ZNF438: variants seen among roughly 807,000 people sequenced by gnomAD.
ZNF438 encodes the protein zinc finger protein 438.
In ZNF438, 25 loss-of-function variants were observed where a neutral mutation model predicts 38.0. The ratio of observed to expected loss-of-function variants is 0.66; its 90% CI spans 0.48 to 0.92. The LOEUF (loss-of-function observed/expected upper bound fraction) is 0.92, where lower values mean the gene tolerates loss of function less well. Ranked by LOEUF, ZNF438 falls within the 40% of genes least tolerant of loss-of-function variation. The probability of loss-of-function intolerance (pLI) is 0.00; values close to 1 mark genes in which losing one functional copy is unlikely to be tolerated. For missense variants in ZNF438, 1,007 were observed against 999.6 expected, an observed-to-expected ratio of 1.01 and a Z score of -0.10; for synonymous variants, 372 against 364.1, an observed-to-expected ratio of 1.02 and a Z score of -0.25.
At chr10:30,986,857 A>G (rs986030276) in intron 1 of ZNF438, among the ~76,000 whole-genome samples, 1 of 152,206 alleles carries the variant, frequency 6.6e-6, no homozygotes, top group African/African-American at 2.4e-5. Context: ...CGAATTCATG[A>G]AAACAAAATC....
At chr10:30,966,397 G>A (rs1387175063) in intron 1 of ZNF438, among the ~76,000 whole-genome samples, 2 of 152,004 alleles carry the variant, frequency 1.3e-5, no homozygotes, top group Non-Finnish European at 2.9e-5. Flanking sequence ...GGGGCCGGGC[G>A]TGGTGGCTCA....
At chr10:30,875,231 C>T (rs965503306) in intron 4 of ZNF438, 1 of 984,502 alleles carries the variant, frequency 1.0e-6, no homozygotes, top group Admixed American at 6.1e-5. Flanking sequence ...ACAAAACAAA[C>T]TGTGATGAGA....
At chr10:30,992,767 T>C (rs1008084257) in intron 1 of ZNF438, among the ~76,000 whole-genome samples, 2 of 152,262 alleles carry the variant, frequency 1.3e-5, no homozygotes, top group East Asian at 3.9e-4. Context: ...GATAGAAATA[T>C]GTAAAGGTCA....
Position 31,000,619 on chromosome 10 carries a change from G to A in ZNF438, c.-192+31214C>T, listed in dbSNP as rs1057215971. On this transcript the variant is annotated intron_variant, in intron 1 of 5. Transcript: ENST00000413025. ...GCTGACCTCATTCCTGTAGCCCACT[G>A]TTCACCCAGACTTTTAGAAGGGACA... 2.0e-5 allele frequency among the ~76,000 whole-genome samples: 3 copies of A among 152,126 alleles called. No individual in the cohort carries two copies. In the South Asian group the frequency reaches 6.2e-4, roughly 31 times the overall value.
At chr10:30,855,189 T>G (rs996026511) in intron 4 of ZNF438, among the ~76,000 whole-genome samples, 1 of 152,200 alleles carries the variant, frequency 6.6e-6, no homozygotes, top group East Asian at 1.9e-4. Flanking sequence ...GAGGCCACTG[T>G]GGCCTGGGAA....
intron 1 of ZNF438, among the ~76,000 whole-genome samples, chr10:30,976,216 A>G (rs999831468): frequency 7.2e-5 from 11 of 152,246 alleles, no homozygotes; most frequent in Non-Finnish European, 1.5e-4. Context: ...GAAAAGATCA[A>G]TAAAACCAAT....
At chr10:30,983,043 C>T (rs1394846254) in intron 1 of ZNF438, among the ~76,000 whole-genome samples, 1 of 152,094 alleles carries the variant, frequency 6.6e-6, no homozygotes, top group African/African-American at 2.4e-5. Flanking sequence ...CACTGAGTCA[C>T]ATTATTGGAC....
intron 3 of ZNF438, among the ~76,000 whole-genome samples, chr10:30,905,115 C>CATA (rs1483112154): frequency 6.6e-6 from 1 of 152,126 alleles, no homozygotes; most frequent in Non-Finnish European, 1.5e-5. Flanking sequence ...CAGTGTTACA[C>CATA]ATAGGAAGGG....
At chr10:30,987,524 C>G (rs56047504) in intron 1 of ZNF438, among the ~76,000 whole-genome samples, 6 of 152,012 alleles carry the variant, frequency 3.9e-5, no homozygotes, top group African/African-American at 1.4e-4. Context: ...ATGGACTAAA[C>G]GTTTGTGTCA....
chr10:30,845,118 T>C lies in ZNF438; in HGVS notation c.2330A>G (p.Asn777Ser), dbSNP rs149585264. Residue 777 changes from asparagine to serine, a missense_variant, in exon 6 of 6, where the codon AAC becomes AGC. Asn to Ser is a conservative substitution (Grantham distance 46). Transcript: ENST00000413025. Reference sequence around the variant, plus strand: ...CAGCATCTCTGCACAAAGCAGGCAGTTAAAGCCTGAATGGGACCACAAGAG... The same window carrying C: ...CAGCATCTCTGCACAAAGCAGGCAGCTAAAGCCTGAATGGGACCACAAGAG... The C allele has an allele frequency of 2.4e-4, 385 of 1,614,200 alleles. 1 individual carries two copies. The African/African-American group carries it at 4.7e-3, about 20-fold the overall frequency.
chr10:30,958,091 T>C (rs1589424581), intron 1 of ZNF438, among the ~76,000 whole-genome samples: 1 of 146,820 alleles, frequency 6.8e-6, no homozygotes, highest in Admixed American at 6.9e-5. Flanking sequence ...GTAGTTCCAT[T>C]TTTGGGACTG....
At chr10:31,010,430 C>A (rs1404595285) in intron 1 of ZNF438, among the ~76,000 whole-genome samples, 1 of 152,160 alleles carries the variant, frequency 6.6e-6, no homozygotes, top group Admixed American at 6.5e-5. Context: ...ACCAAATAAT[C>A]CTGGGAAGAC....
At chr10:30,907,310 T>C (rs1429158904) in intron 3 of ZNF438, among the ~76,000 whole-genome samples, 1 of 152,184 alleles carries the variant, frequency 6.6e-6, no homozygotes, top group Non-Finnish European at 1.5e-5. Context: ...CCAAAGATAC[T>C]GGTCTATAGT....
chr10:30,902,301 GAC>G (rs1564609935), intron 3 of ZNF438, among the ~76,000 whole-genome samples: 2 of 152,126 alleles, frequency 1.3e-5, no homozygotes, highest in Non-Finnish European at 1.5e-5. Context: ...CCCTGAGCTA[GAC>G]ACAAAAATTC....
intron 4 of ZNF438, among the ~76,000 whole-genome samples, chr10:30,868,812 ATG>A (rs1203578749): frequency 6.6e-6 from 1 of 152,250 alleles, no homozygotes; most frequent in African/African-American, 2.4e-5. Context: ...ATTTGAACAG[ATG>A]TACACAATCT....
At chr10:31,013,069 C>T (rs1320547829) in intron 1 of ZNF438, among the ~76,000 whole-genome samples, 1 of 152,186 alleles carries the variant, frequency 6.6e-6, no homozygotes, top group Admixed American at 6.5e-5. Flanking sequence ...CCTGTAATCC[C>T]AGCACTTTGG....
intron 4 of ZNF438, among the ~76,000 whole-genome samples, chr10:30,862,145 C>T (rs2035686771): frequency 6.6e-6 from 1 of 152,190 alleles, no homozygotes; most frequent in Non-Finnish European, 1.5e-5. Flanking sequence ...CCTGTGCACG[C>T]TGTCCTTCCA....
At chr10:31,021,889 T>C (rs1460292439) in intron 1 of ZNF438, among the ~76,000 whole-genome samples, 4 of 152,156 alleles carry the variant, frequency 2.6e-5, no homozygotes, top group Middle Eastern at 3.4e-3. Context: ...ATCATTGAAG[T>C]TGATCGTCTT....
At chr10:30,915,681 A>G (rs377454614) in intron 2 of ZNF438, among the ~76,000 whole-genome samples, 3 of 152,214 alleles carry the variant, frequency 2.0e-5, no homozygotes, top group East Asian at 1.9e-4. Flanking sequence ...AGGATTCAAC[A>G]TAACATTAAG....
Sources: gnomAD v4.1 joint callset for allele counts (sites outside exome capture counted in the v4.1 genomes callset) on GRCh38, gnomAD v4.1.1 for gene constraint, MANE v1.5 for transcripts, NCBI Gene and HGNC (gene_info 2026-07-23, HGNC 2026-07-21) for gene names.